FCHSD2: variants seen among roughly 807,000 people sequenced by gnomAD.
The protein encoded by FCHSD2 is F-BAR and double SH3 domains protein 2.
FCHSD2 carries 38 observed loss-of-function variants against 108.1 expected under a neutral mutation model. The observed-to-expected ratio is 0.35, with a 90% CI of 0.27 to 0.46. FCHSD2 has a LOEUF of 0.46. Among genes scored for constraint, FCHSD2 ranks in the 20% least tolerant of loss-of-function variants. FCHSD2 has a pLI of 1.00. For synonymous variants in FCHSD2, 279 were observed against 314.7 expected (o/e 0.89, Z 1.20); for missense variants, 751 against 897.8 (o/e 0.84, Z 2.09).
At chr11:72,906,810 T>A (rs1206856208) in intron 9 of FCHSD2, among the ~76,000 whole-genome samples, 2 of 152,246 alleles carry the variant, frequency 1.3e-5, no homozygotes, top group African/African-American at 4.8e-5. Flanking sequence ...AGTGCCATGC[T>A]GTTTTGGTTA....
intron 11 of FCHSD2, among the ~76,000 whole-genome samples, chr11:72,888,085 G>A (rs1021927785): frequency 1.3e-5 from 2 of 152,178 alleles, no homozygotes; most frequent in African/African-American, 4.8e-5. Flanking sequence ...GGAAGTGACT[G>A]AGAATGCCTA....
chr11:73,120,633 G>A (rs1335659947), intron 2 of FCHSD2, among the ~76,000 whole-genome samples: 1 of 152,052 alleles, frequency 6.6e-6, no homozygotes, highest in African/African-American at 2.4e-5. Flanking sequence ...GGAGGCTGAG[G>A]CTGGAGAATC....
chr11:72,897,501 T>C (rs1855447382), intron 10 of FCHSD2, among the ~76,000 whole-genome samples: 1 of 152,176 alleles, frequency 6.6e-6, no homozygotes, highest in Non-Finnish European at 1.5e-5. Flanking sequence ...TATATGCAAA[T>C]ATTACATCAT....
chr11:73,086,519 G>A (rs1302579130), intron 2 of FCHSD2, among the ~76,000 whole-genome samples: 1 of 151,862 alleles, frequency 6.6e-6, no homozygotes, highest in Non-Finnish European at 1.5e-5. Flanking sequence ...GCAGAAAGAA[G>A]GAAATATTAA....
intron 14 of FCHSD2, chr11:72,843,813 C>T (rs188375631): frequency 5.9e-5 from 19 of 321,356 alleles, no homozygotes; most frequent in Non-Finnish European, 5.1e-5. Flanking sequence ...AGCGAGACCC[C>T]CATCTCTACC....
chr11:72,849,734 T>C (rs558099885), intron 14 of FCHSD2, 21 bp downstream of exon 14: 1 of 1,575,680 alleles, frequency 6.3e-7, no homozygotes, highest in Admixed American at 1.7e-5. Flanking sequence ...TTTAATAACA[T>C]TATGTTGGAG....
chr11:73,038,125 C>T (rs1317909021), intron 3 of FCHSD2, among the ~76,000 whole-genome samples: 1 of 152,070 alleles, frequency 6.6e-6, no homozygotes, highest in Non-Finnish European at 1.5e-5. Flanking sequence ...GGGAAGATTG[C>T]TTGAGGCCAG....
At chr11:72,959,184 G>A (rs1259263250) in intron 8 of FCHSD2, among the ~76,000 whole-genome samples, 1 of 97,524 alleles carries the variant, frequency 1.0e-5, no homozygotes, top group Non-Finnish European at 2.2e-5. Flanking sequence ...TGGTTTCCCT[G>A]TTATTCTTTC....
chr11:72,849,733 A>G lies in FCHSD2; in HGVS notation c.1443+22T>C, dbSNP rs1450580961. 1.9e-6 allele frequency: 3 copies of G among 1,576,020 alleles called. 1 individual carries two copies. Among genetic ancestry groups the G allele is most frequent in the Admixed American group, 3.4e-5 (2 of 59,042 alleles). On this transcript the variant is annotated intron_variant, in intron 14 of 19. Transcript: ENST00000409418. ...TCAGAGTTAATCAGAATTTAATAAC[A>G]TTATGTTGGAGAAATACAAACCTTG...
intron 3 of FCHSD2, among the ~76,000 whole-genome samples, chr11:73,049,120 T>C (rs10793056): frequency 0.46 from 69,188 of 152,012 alleles, 16,682 homozygotes; most frequent in South Asian, 0.65. Flanking sequence ...AATAGCAAGA[T>C]ATGTAAAAAG....
chr11:73,030,238 G>C (rs1287867298), intron 3 of FCHSD2, among the ~76,000 whole-genome samples: 3 of 152,078 alleles, frequency 2.0e-5, no homozygotes, highest in Non-Finnish European at 1.5e-5. Context: ...TTGTCCAAAA[G>C]TCAAGACACT....
intron 18 of FCHSD2, 125 bp from the exon 19 acceptor site, chr11:72,841,084 C>A: frequency 1.4e-6 from 1 of 718,910 alleles, no homozygotes. Flanking sequence ...GGGAGGATTA[C>A]TTGAGGCCAG....
intron 2 of FCHSD2, 138 bp downstream of exon 2, chr11:73,139,893 C>A: frequency 3.9e-6 from 2 of 519,222 alleles, no homozygotes; most frequent in Non-Finnish European, 6.8e-6. Context: ...TTCTAATTTC[C>A]AGCTGAGTCA....
chr11:72,945,005 T>G (rs886271978), intron 8 of FCHSD2, among the ~76,000 whole-genome samples: 2 of 152,146 alleles, frequency 1.3e-5, no homozygotes, highest in African/African-American at 2.4e-5. Context: ...AATGCCATCC[T>G]CATCAAGCTA....
At chr11:72,927,113 T>C (rs1446078317) in intron 8 of FCHSD2, among the ~76,000 whole-genome samples, 1 of 152,206 alleles carries the variant, frequency 6.6e-6, no homozygotes, top group Non-Finnish European at 1.5e-5. Context: ...CCCTCTCTTC[T>C]TTTCCGGGTA....
intron 8 of FCHSD2, among the ~76,000 whole-genome samples, chr11:72,949,186 C>T (rs1308008569): frequency 2.6e-5 from 4 of 151,918 alleles, no homozygotes; most frequent in East Asian, 1.9e-4. Flanking sequence ...TGGTGGCTCA[C>T]GCCTGTAATC....
At chr11:73,004,163 C>T (rs998812646) in intron 4 of FCHSD2, among the ~76,000 whole-genome samples, 5 of 147,412 alleles carry the variant, frequency 3.4e-5, no homozygotes, top group African/African-American at 1.3e-4. Context: ...CGGTACTTTG[C>T]CATTCTACAT....
Position 72,936,751 on chromosome 11 carries a change from A to G in FCHSD2, c.706-14801T>C, listed in dbSNP as rs76641528. 5.4e-3 allele frequency among the ~76,000 whole-genome samples: 825 copies of G among 152,358 alleles called. 4 individuals are homozygous for G. The highest frequency in any genetic ancestry group is 0.014 in the South Asian group (68 of 4,834). On this transcript the variant is annotated intron_variant, in intron 8 of 19. Coordinates refer to ENST00000409418, the MANE Select transcript of FCHSD2 (RefSeq NM_014824.3). ...CTTCAGTTATTGTATTTTTAACTCCAGAATTTATATTTGATTCCTTTTTAT... is the reference window on the plus strand; with the variant it reads ...CTTCAGTTATTGTATTTTTAACTCCGGAATTTATATTTGATTCCTTTTTAT...
intron 12 of FCHSD2, among the ~76,000 whole-genome samples, chr11:72,886,269 T>C (rs1419702475): frequency 2.0e-5 from 3 of 152,192 alleles, no homozygotes; most frequent in Non-Finnish European, 4.4e-5. Flanking sequence ...TATTTCCCAA[T>C]ACTAAACTCA....
Sources: gnomAD v4.1 joint callset for allele counts (sites outside exome capture counted in the v4.1 genomes callset) on GRCh38, gnomAD v4.1.1 for gene constraint, MANE v1.5 for transcripts, NCBI Gene and HGNC (gene_info 2026-07-23, HGNC 2026-07-21) for gene names.